Variants in CEP83 observed in about 807,000 individuals in gnomAD.
CEP83 encodes centrosomal protein 83, also known as centrosomal protein of 83 kDa.
CEP83 carries 70 observed loss-of-function variants against 101.9 expected under a neutral mutation model. The observed-to-expected ratio is 0.69, with a 90% CI of 0.57 to 0.84. The LOEUF (loss-of-function observed/expected upper bound fraction) is 0.84, where lower values mean the gene tolerates loss of function less well. CEP83 is among the 40% of genes least tolerant of loss of function. The pLI is 0.00. For missense variants in CEP83, 715 were observed against 787.2 expected (o/e 0.91, Z 1.10); for synonymous variants, 264 against 267.9 (o/e 0.99, Z 0.14).
chr12:94,431,916 A>G (rs1407669702), intron 2 of CEP83, among the ~76,000 whole-genome samples: 1 of 152,264 alleles, frequency 6.6e-6, no homozygotes, highest in African/African-American at 2.4e-5. Context: ...TATACAATCT[A>G]GTAATCCCAC....
chr12:94,446,145 G>A (rs2066782547), intron 1 of CEP83, among the ~76,000 whole-genome samples: 1 of 152,164 alleles, frequency 6.6e-6, no homozygotes. Flanking sequence ...CCACCACTAT[G>A]ACCATTGTCA....
the CEP83 span, among the ~76,000 whole-genome samples, chr12:94,283,303 C>T: frequency 5.3e-5 from 8 of 152,152 alleles, no homozygotes; most frequent in East Asian, 1.2e-3. Context: ...AGGGTGCAGG[C>T]ACATCCAGCA....
chr12:94,333,063 A>AAAAC (rs2059300627), intron 13 of CEP83, among the ~76,000 whole-genome samples: 1 of 145,828 alleles, frequency 6.9e-6, no homozygotes, highest in Non-Finnish European at 1.5e-5. Flanking sequence ...AAAAAAAAAA[A>AAAAC]AACAAATAAA....
intron 4 of CEP83, among the ~76,000 whole-genome samples, chr12:94,404,861 T>C (rs2063448738): frequency 6.6e-6 from 1 of 152,194 alleles, no homozygotes; most frequent in Admixed American, 6.5e-5. Flanking sequence ...TACACAAGCA[T>C]GTATATCACT....
intron 1 of CEP83, among the ~76,000 whole-genome samples, chr12:94,453,688 T>C (rs572705752): frequency 6.6e-6 from 1 of 152,276 alleles, no homozygotes; most frequent in South Asian, 2.1e-4. Context: ...AGCATACCAT[T>C]TCTGAAGGAA....
At chr12:94,278,714 TG>T in the CEP83 span, among the ~76,000 whole-genome samples, 6 of 152,104 alleles carry the variant, frequency 3.9e-5, no homozygotes, top group Non-Finnish European at 8.8e-5. Context: ...GTGACCTCTT[TG>T]GGCCGGGCAC....
intron 6 of CEP83, among the ~76,000 whole-genome samples, chr12:94,385,099 T>C (rs1020948474): frequency 2.0e-5 from 3 of 152,150 alleles, no homozygotes; most frequent in Admixed American, 2.0e-4. Flanking sequence ...GAGGAGGTAG[T>C]AGTCCCGATT....
At chr12:94,410,601 A>G (rs759272286) in intron 4 of CEP83, among the ~76,000 whole-genome samples, 1 of 152,210 alleles carries the variant, frequency 6.6e-6, no homozygotes, top group Non-Finnish European at 1.5e-5. Context: ...CATGAAACAG[A>G]ATAATTAAAT....
the CEP83 span, chr12:94,294,458 C>G: frequency 9.5e-7 from 1 of 1,050,990 alleles, no homozygotes; most frequent in South Asian, 1.3e-5. Flanking sequence ...ATTTTGAACA[C>G]TCATATATCT....
rs754947985 is a variant in CEP83, at chr12:94,375,927, A to G, written c.892T>C (p.Leu298=). 2.6e-6 allele frequency: 4 copies of G among 1,527,504 alleles called. No individual in the cohort carries two copies. Among genetic ancestry groups the G allele is most frequent in the Middle Eastern group, 1.7e-4 (1 of 5,824 alleles). 94.6% of individuals were successfully genotyped at this position (1,527,504 alleles called of 1,614,324 possible). A position where few individuals can be genotyped will look rare whatever the true frequency, so the allele number is the denominator to read the frequency against. ...SEQNTFLINK[L]HKAEREINTL... is the part of the protein sequence containing the mutation. ...TTTATTTCTCGTTCAGCTTTATGCA[A>G]TTTATTAATTAAAAAGGTATTTTGT... The change falls in exon 8 of 17, where the codon TTG becomes CTG. Residue 298 remains leucine (L), a synonymous_variant. Coordinates refer to ENST00000397809, the MANE Select transcript of CEP83 (RefSeq NM_016122.3).
At chr12:94,411,913 T>A in intron 3 of CEP83, 66 bp from the exon 4 acceptor site, 1 of 1,297,084 alleles carries the variant, frequency 7.7e-7, no homozygotes, top group Non-Finnish European at 1.1e-6. Flanking sequence ...TTACTTTATG[T>A]AAAGTCAATC....
chr12:94,378,217 A>G (rs1313972128), intron 7 of CEP83, among the ~76,000 whole-genome samples: 1 of 152,246 alleles, frequency 6.6e-6, no homozygotes, highest in African/African-American at 2.4e-5. Context: ...ATGGAAACCA[A>G]GAATTTTCAT....
intron 12 of CEP83, among the ~76,000 whole-genome samples, chr12:94,335,052 A>T (rs1321220560): frequency 6.6e-6 from 1 of 152,166 alleles, no homozygotes; most frequent in East Asian, 1.9e-4. Flanking sequence ...TATAGGGAAA[A>T]AAACAACAAC....
rs550141958 is a variant in CEP83 at position 94,447,958 on chromosome 12, C to T, written c.-155+11599G>A. On this transcript the variant is annotated intron_variant, in intron 1 of 16. Coordinates refer to ENST00000397809, the MANE Select transcript of CEP83 (RefSeq NM_016122.3). ...AAATATGAAAAATGCAGATGTAAATCCAATAATATCAACAATTACATTACA... is the reference window on the plus strand; with the variant it reads ...AAATATGAAAAATGCAGATGTAAATTCAATAATATCAACAATTACATTACA... 1.6e-4 allele frequency among the ~76,000 whole-genome samples: 24 copies of T among 151,990 alleles called. No individual in the cohort carries two copies. The South Asian group carries it at 5.0e-3, about 32-fold the overall frequency.
intron 14 of CEP83, among the ~76,000 whole-genome samples, chr12:94,327,922 A>T (rs1286784989): frequency 4.6e-5 from 7 of 152,194 alleles, no homozygotes; most frequent in Admixed American, 1.3e-4. Context: ...GGGATTATTT[A>T]GGTGTTTCTT....
At chr12:94,320,033 T>G (rs1028550071) in intron 14 of CEP83, among the ~76,000 whole-genome samples, 1 of 152,228 alleles carries the variant, frequency 6.6e-6, no homozygotes, top group Non-Finnish European at 1.5e-5. Context: ...CGGGTGCTCC[T>G]ATGTTGGGTG....
At chr12:94,266,620 G>C in the CEP83 span, among the ~76,000 whole-genome samples, 1 of 152,160 alleles carries the variant, frequency 6.6e-6, no homozygotes, top group Non-Finnish European at 1.5e-5. Context: ...ATGGACTCTG[G>C]GGCCAGACAT....
At chr12:94,420,940 G>A (rs543893119) in intron 2 of CEP83, among the ~76,000 whole-genome samples, 22 of 152,120 alleles carry the variant, frequency 1.4e-4, no homozygotes, top group Non-Finnish European at 3.1e-4. Flanking sequence ...GGCTAGTAAC[G>A]TTCTACTTCT....
intron 2 of CEP83, chr12:94,423,900 G>A: frequency 1.2e-6 from 2 of 1,610,994 alleles, no homozygotes; most frequent in Non-Finnish European, 1.7e-6. Context: ...GCAGCCGTCA[G>A]CATATACATG....
Sources: allele counts gnomAD v4.1 joint callset (sites outside exome capture counted in the v4.1 genomes callset), GRCh38; gene constraint gnomAD v4.1.1; transcripts MANE v1.5; gene names NCBI Gene and HGNC (gene_info 2026-07-23, HGNC 2026-07-21).